The following GNA12 variants were observed in gnomAD, a reference collection of about 807,000 sequenced individuals.
The protein encoded by GNA12 is guanine nucleotide-binding protein subunit alpha-12.
GNA12 carries 9 observed loss-of-function variants against 26.0 expected under a neutral mutation model. The observed-to-expected ratio is 0.35, with a 90% CI of 0.21 to 0.60. The LOEUF (loss-of-function observed/expected upper bound fraction) is 0.60, where lower values mean the gene tolerates loss of function less well. Ranked by LOEUF, GNA12 falls within the 20% of genes least tolerant of loss-of-function variation. The pLI, the probability that GNA12 is intolerant of heterozygous loss-of-function variation, is 0.78. For synonymous variants in GNA12, 264 were observed against 219.6 expected, an observed-to-expected ratio of 1.20 and a Z score of -1.79; for missense variants, 405 against 525.8, an observed-to-expected ratio of 0.77 and a Z score of 2.25.
intron 2 of GNA12, among the ~76,000 whole-genome samples, chr7:2,745,926 C>A (rs1790741916): frequency 6.6e-6 from 1 of 152,054 alleles, no homozygotes; most frequent in Non-Finnish European, 1.5e-5. Context: ...ACAAAGAAGG[C>A]CATTACATAA....
At chr7:2,768,691 A>AAAAC (rs765452841) in intron 2 of GNA12, among the ~76,000 whole-genome samples, 32,882 of 142,064 alleles carry the variant, frequency 0.23, 4,016 homozygotes, top group Non-Finnish European at 0.29. Flanking sequence ...ACAAAACAAA[A>AAAAC]AAAAAAACAG....
chr7:2,798,144 C>T (rs889238383), intron 1 of GNA12, among the ~76,000 whole-genome samples: 1 of 151,922 alleles, frequency 6.6e-6, no homozygotes, highest in Non-Finnish European at 1.5e-5. Context: ...CTAGCCAGTG[C>T]GACAAGGTAG....
chr7:2,764,423 C>T (rs1215411725), intron 2 of GNA12, among the ~76,000 whole-genome samples: 1 of 152,114 alleles, frequency 6.6e-6, no homozygotes, highest in Non-Finnish European at 1.5e-5. Context: ...TCTGATATTG[C>T]TGACCAGAGG....
At chr7:2,738,268 G>C (rs1790311127) in intron 2 of GNA12, among the ~76,000 whole-genome samples, 1 of 148,730 alleles carries the variant, frequency 6.7e-6, no homozygotes, top group Non-Finnish European at 1.5e-5. Flanking sequence ...TACAAAAACA[G>C]AGTGAGGCTC....
chr7:2,768,666 T>TAAAAAAAA (rs924965749), intron 2 of GNA12, among the ~76,000 whole-genome samples: 15 of 91,812 alleles, frequency 1.6e-4, no homozygotes, highest in African/African-American at 5.3e-4. Flanking sequence ...GCTCTCAAGG[T>TAAAAAAAA]AAAAAAAAAA....
intron 2 of GNA12, among the ~76,000 whole-genome samples, chr7:2,753,565 G>A (rs986849566): frequency 7.9e-5 from 12 of 152,102 alleles, no homozygotes; most frequent in Non-Finnish European, 8.8e-5. Flanking sequence ...TGAACGTGCC[G>A]CAGTTTATTT....
intron 2 of GNA12, among the ~76,000 whole-genome samples, chr7:2,759,911 CCCTGCTTTCTGCCA>C (rs1287258112): frequency 6.6e-6 from 1 of 152,238 alleles, no homozygotes; most frequent in Non-Finnish European, 1.5e-5. Flanking sequence ...AAGCTCCGCT[CCCTGCTTTCTGCCA>C]CCTGCTCCTG....
At position 2,780,044 on chromosome 7, in the gene GNA12, C is replaced by CTG. The variant is rs1198755796; in HGVS notation, c.525+14882_525+14883dup. ...CCACGTACTAGTTTTTTACACATTTCTGTGTACATATATATATATATATAT... is the reference window on the plus strand; with the variant it reads ...CCACGTACTAGTTTTTTACACATTTCTGTGTGTACATATATATATATATATAT... On this transcript the variant is annotated intron_variant, in intron 2 of 3. Coordinates refer to ENST00000275364, the MANE Select transcript of GNA12 (RefSeq NM_007353.3). Among the ~76,000 whole-genome samples the CTG allele has an allele frequency of 8.1e-3, 646 of 79,620 alleles. 11 individuals are homozygous for CTG. Among genetic ancestry groups the CTG allele is most frequent in the African/African-American group, 0.031 (613 of 19,612 alleles). The allele number at this position is 79,620 out of a possible 152,430, so 52.2% of individuals were successfully genotyped here. A position where few individuals can be genotyped will look rare whatever the true frequency, so the allele number is the denominator to read the frequency against.
chr7:2,805,974 G>A (rs976385671), intron 1 of GNA12, among the ~76,000 whole-genome samples: 2 of 152,104 alleles, frequency 1.3e-5, no homozygotes, highest in African/African-American at 4.8e-5. Context: ...AAAAGAACAC[G>A]TAAACTTCTT....
intron 2 of GNA12, among the ~76,000 whole-genome samples, chr7:2,748,690 C>G (rs1240660901): frequency 1.3e-5 from 2 of 152,146 alleles, no homozygotes; most frequent in Non-Finnish European, 2.9e-5. Context: ...AGTTTCTGCA[C>G]AGCAAAAGAA....
At chr7:2,792,652 G>C (rs773009547) in intron 2 of GNA12, among the ~76,000 whole-genome samples, 1 of 152,200 alleles carries the variant, frequency 6.6e-6, no homozygotes, top group Admixed American at 6.5e-5. Flanking sequence ...ATACTGACAT[G>C]TATTTCCCAA....
At chr7:2,780,048 GTACATATATATATATATATATA>G (rs1319723087) in intron 2 of GNA12, among the ~76,000 whole-genome samples, 2 of 84,734 alleles carry the variant, frequency 2.4e-5, no homozygotes, top group African/African-American at 1.1e-4. Context: ...ACATTTCTGT[GTACATATATATATATATATATA>G]TATATATATA....
At position 2,754,150 on chromosome 7, in the gene GNA12, AT is replaced by A. The variant is rs537282013; in HGVS notation, c.526-20650del. On this transcript the variant is annotated intron_variant, in intron 2 of 3. Transcript: ENST00000275364. Reference sequence around the variant, plus strand: ...GCATTTGTTATTTTCACTATTTTCTATTGTATCTGTGTTAATAGGTGTGTAG... The same window carrying A: ...GCATTTGTTATTTTCACTATTTTCTATGTATCTGTGTTAATAGGTGTGTAG... Among the ~76,000 whole-genome samples the A allele has an allele frequency of 3.3e-3, 506 of 152,044 alleles. 7 individuals carry two copies. The highest frequency in any genetic ancestry group is 0.012 in the African/African-American group (487 of 41,452).
chr7:2,766,046 G>A (rs1384600086), intron 2 of GNA12, among the ~76,000 whole-genome samples: 1 of 152,104 alleles, frequency 6.6e-6, no homozygotes, highest in Non-Finnish European at 1.5e-5. Context: ...GCATATTAAC[G>A]TTGTTGTGAA....
intron 2 of GNA12, among the ~76,000 whole-genome samples, chr7:2,771,206 G>C (rs375906829): frequency 2.0e-5 from 3 of 152,048 alleles, no homozygotes; most frequent in African/African-American, 4.8e-5. Flanking sequence ...CAGGAGAATC[G>C]CTTGAACCTG....
chr7:2,743,890 A>C (rs1790632264), intron 2 of GNA12, among the ~76,000 whole-genome samples: 1 of 151,810 alleles, frequency 6.6e-6, no homozygotes, highest in Non-Finnish European at 1.5e-5. Context: ...CCTGGCTCGG[A>C]GGGTCCTACA....
At chr7:2,738,431 G>C (rs1278948759) in intron 2 of GNA12, among the ~76,000 whole-genome samples, 1 of 152,318 alleles carries the variant, frequency 6.6e-6, no homozygotes, top group Admixed American at 6.5e-5. Context: ...CACCGGCGAA[G>C]GAGAAGAGCT....
chr7:2,776,174 G>A (rs1044472824), intron 2 of GNA12, among the ~76,000 whole-genome samples: 1 of 152,204 alleles, frequency 6.6e-6, no homozygotes, highest in Non-Finnish European at 1.5e-5. Flanking sequence ...AGGCTCAAGT[G>A]ATCTTCCCAT....
chr7:2,780,688 C>T lies in GNA12; in HGVS notation c.525+14240G>A, dbSNP rs76656539. On this transcript the variant is annotated intron_variant, in intron 2 of 3. Coordinates refer to ENST00000275364, the MANE Select transcript of GNA12 (RefSeq NM_007353.3). ...TTTGTGTCTGGTATCTTTGGGCCAACATCATAATGTTTGTGAGATTGATCA... is the reference window on the plus strand; with the variant it reads ...TTTGTGTCTGGTATCTTTGGGCCAATATCATAATGTTTGTGAGATTGATCA... Among the ~76,000 whole-genome samples, 1,487 of 152,220 alleles carry T rather than the reference C, an allele frequency of 9.8e-3. 28 individuals carry two copies. Among genetic ancestry groups the T allele is most frequent in the African/African-American group, 0.034 (1,416 of 41,516 alleles).
Sources: gnomAD v4.1 joint callset for allele counts (sites outside exome capture counted in the v4.1 genomes callset) on GRCh38, gnomAD v4.1.1 for gene constraint, MANE v1.5 for transcripts, NCBI Gene and HGNC (gene_info 2026-07-23, HGNC 2026-07-21) for gene names.